Variants in KRTAP3-3 observed in about 807,000 individuals in gnomAD.
KRTAP3-3 encodes keratin-associated protein 3-3.
Under a neutral mutation model 5.7 loss-of-function variants are expected in KRTAP3-3, and 8 were observed. That is an observed-to-expected ratio of 1.40 (90% CI 0.82 to 2.52). The LOEUF (loss-of-function observed/expected upper bound fraction) is 2.52. Among genes scored for constraint, KRTAP3-3 ranks in the 30% most tolerant of loss-of-function variants. The pLI is 0.00. For synonymous variants in KRTAP3-3, 49 were observed against 47.0 expected, an observed-to-expected ratio of 1.04 and a Z score of -0.17; for missense variants, 98 against 121.5, an observed-to-expected ratio of 0.81 and a Z score of 0.91.
In KRTAP3-3 at chr17:40,993,879, T is replaced by G; in HGVS notation, c.219A>C (p.Pro73=). 2 of 1,614,074 alleles carry G rather than the reference T, an allele frequency of 1.2e-6. No homozygotes were observed. ...GGTTGAGGGTCTCCAGGCCTGGAGT[T>G]GGCTGGCAGGAGTTGAGCAGGAAGC... is the stretch of plus-strand genomic sequence containing the variant. The part of the protein sequence containing the change: ...PTCFLLNSCQ[P]TPGLETLNLT... Residue 73 remains proline, a synonymous_variant, in exon 1 of 1, where the codon CCA becomes CCC. Transcript: ENST00000391586.
In KRTAP3-3 at chr17:40,993,777, G is replaced by A. The variant is rs2143710665; in HGVS notation, c.*24C>T. On this transcript the variant is annotated 3_prime_UTR_variant, in exon 1 of 1. Transcript: ENST00000391586. ...TTCTATGTTGACTTTTTCAATCTCA[G>A]GCACTGAGCAAAGTAGCCATCCATT... 6.2e-7 allele frequency: 1 copy of A among 1,610,908 alleles called. No homozygotes were observed. The highest frequency in any genetic ancestry group is 8.5e-7 in the Non-Finnish European group (1 of 1,177,718).
chr17:40,993,726 G>T lies in KRTAP3-3; in HGVS notation c.*75C>A. 6.4e-7 allele frequency: 1 copy of T among 1,562,200 alleles called. No individual in the cohort carries two copies. Among genetic ancestry groups the T allele is most frequent in the Non-Finnish European group, 8.7e-7 (1 of 1,149,240 alleles). Reference sequence around the variant, plus strand: ...CTAAAGCAGAGTACATTAGTTGTAGGTACTGAGATAGGTGAATGCTAAAGC... The same window carrying T: ...CTAAAGCAGAGTACATTAGTTGTAGTTACTGAGATAGGTGAATGCTAAAGC... On this transcript the variant is annotated 3_prime_UTR_variant, in exon 1 of 1. Coordinates refer to ENST00000391586, the MANE Select transcript of KRTAP3-3 (RefSeq NM_033185.3).
chr17:40,993,682 A>C lies in KRTAP3-3; in HGVS notation c.*119T>G. 7.0e-7 allele frequency: 1 copy of C among 1,431,042 alleles called. No homozygotes were observed. Among genetic ancestry groups the C allele is most frequent in the Non-Finnish European group, 9.4e-7 (1 of 1,065,590 alleles). The allele number at this position is 1,431,042 out of a possible 1,614,324, so 88.6% of individuals were successfully genotyped here. On this transcript the variant is annotated 3_prime_UTR_variant, in exon 1 of 1. Coordinates refer to ENST00000391586, the MANE Select transcript of KRTAP3-3 (RefSeq NM_033185.3). ...TTTTGCAGGGGGTGATTGTGGTAGT[A>C]CCATCCTTGTTCCAATTTCTAAAGC...
rs1301319960 is a variant in KRTAP3-3 at position 40,993,523 on chromosome 17, TC to T, written c.*277del. The T allele has an allele frequency of 4.3e-6, 2 of 463,592 alleles. No individual in the cohort carries two copies. Among genetic ancestry groups the T allele is most frequent in the Non-Finnish European group, 7.5e-6 (2 of 265,990 alleles). 28.7% of individuals were successfully genotyped at this position (463,592 alleles called of 1,614,324 possible). A position where few individuals can be genotyped will look rare whatever the true frequency, so the allele number is the denominator to read the frequency against. On this transcript the variant is annotated 3_prime_UTR_variant, in exon 1 of 1. Transcript: ENST00000391586. ...TACCACCCAAGACTGAAAACAGAAT[TC>T]CCAAACCACCCACAGAAAGAGACAC...
At position 40,994,133 on chromosome 17, in the gene KRTAP3-3, GA is replaced by G. The variant is rs768711111; in HGVS notation, c.-37del. 1.9e-6 allele frequency: 3 copies of G among 1,608,832 alleles called. No homozygotes were observed. The South Asian group carries it at 3.3e-5, about 18-fold the overall frequency. On this transcript the variant is annotated 5_prime_UTR_variant, in exon 1 of 1. Coordinates refer to ENST00000391586, the MANE Select transcript of KRTAP3-3 (RefSeq NM_033185.3). The stretch of plus-strand genomic sequence containing the variant: ...GTCTGTGGTATTTATGGGTTTGATT[GA>G]AAAGAAGGATAAGGCTTCTGAGGTG...
rs1374558003 is a variant in KRTAP3-3, at chr17:40,994,069, C to T, written c.29G>A (p.Ser10Asn). 3.1e-6 allele frequency: 5 copies of T among 1,614,080 alleles called. No individual in the cohort carries two copies. Among genetic ancestry groups the T allele is most frequent in the Non-Finnish European group, 4.2e-6 (5 of 1,180,038 alleles). Residue 10 changes from serine to asparagine, a missense_variant, in exon 1 of 1, where the codon AGT becomes AAT. By Grantham distance (46) the Ser-to-Asn change is conservative. Transcript: ENST00000391586. ...GGTGGTGGCAGGCCCGGTGGGGACA[C>T]TGCAGCCTCGAGAGGCACAGCAATC... MDCCASRGC[S>N]VPTGPATTIC...
Position 40,993,597 on chromosome 17 carries a change from T to C in KRTAP3-3, c.*204A>G. ...GCTTCAGGAAGCTATAGGCATCCAC[T>C]GATTCAAACTGCAGTTGGTTATAGC... On this transcript the variant is annotated 3_prime_UTR_variant, in exon 1 of 1. Transcript: ENST00000391586. 2 of 705,122 alleles carry C rather than the reference T, an allele frequency of 2.8e-6. No individual in the cohort carries two copies. Among genetic ancestry groups the C allele is most frequent in the Non-Finnish European group, 2.3e-6 (1 of 442,850 alleles). 43.7% of individuals were successfully genotyped at this position (705,122 alleles called of 1,614,324 possible). A position where few individuals can be genotyped will look rare whatever the true frequency, so the allele number is the denominator to read the frequency against.
At position 40,993,824 on chromosome 17, in the gene KRTAP3-3, G is replaced by T. The variant is rs773430514; in HGVS notation, c.274C>A (p.Pro92Thr). The T allele has an allele frequency of 1.2e-6, 2 of 1,614,208 alleles. No homozygotes were observed. The highest frequency in any genetic ancestry group is 1.3e-5 in the African/African-American group (1 of 75,076). ...LTTFTQPCCE[P>T]CLPRGC ...CATTAGCAGCCTCTTGGGAGGCAGG[G>T]CTCACAGCAGGGCTGAGTGAAGGTG... Residue 92 changes from proline (P) to threonine (T), a missense_variant, in exon 1 of 1, where the codon CCC becomes ACC. Coordinates refer to ENST00000391586, the MANE Select transcript of KRTAP3-3 (RefSeq NM_033185.3).
In KRTAP3-3 at chr17:40,993,570, CAGCTTCAGGA is replaced by C; in HGVS notation, c.*221_*230del. 5.3e-6 allele frequency: 3 copies of C among 569,772 alleles called. No individual in the cohort carries two copies. Among genetic ancestry groups the C allele is most frequent in the Non-Finnish European group, 8.8e-6 (3 of 339,548 alleles). 35.3% of individuals were successfully genotyped at this position (569,772 alleles called of 1,614,324 possible). A position where few individuals can be genotyped will look rare whatever the true frequency, so the allele number is the denominator to read the frequency against. ...GACACTTTAATATGAAGGAATCGAA[CAGCTTCAGGA>C]AGCTATAGGCATCCACTGATTCAAA... is the stretch of plus-strand genomic sequence containing the variant. On this transcript the variant is annotated 3_prime_UTR_variant, in exon 1 of 1. Coordinates refer to ENST00000391586, the MANE Select transcript of KRTAP3-3 (RefSeq NM_033185.3).
Position 40,993,822 on chromosome 17 carries a change from G to A in KRTAP3-3, c.276C>T (p.Pro92=), listed in dbSNP as rs768654161. 1.2e-6 allele frequency: 2 copies of A among 1,614,164 alleles called. No homozygotes were observed. The highest frequency in any genetic ancestry group is 1.7e-6 in the Non-Finnish European group (2 of 1,179,970). The change falls in exon 1 of 1, where the codon CCC becomes CCT. Residue 92 remains proline (P), a synonymous_variant. Transcript: ENST00000391586. ...LTTFTQPCCE[P]CLPRGC is the part of the protein sequence containing the mutation. ...TCCATTAGCAGCCTCTTGGGAGGCA[G>A]GGCTCACAGCAGGGCTGAGTGAAGG...
Position 40,993,646 on chromosome 17 carries a change from G to T in KRTAP3-3, c.*155C>A, listed in dbSNP as rs1020391718. On this transcript the variant is annotated 3_prime_UTR_variant, in exon 1 of 1. Transcript: ENST00000391586. Reference sequence around the variant, plus strand: ...GCTGAATGGTCATTGAAAGTTTCTTGGTCTCTTTTTTTTTGCAGGGGGTGA... The same window carrying T: ...GCTGAATGGTCATTGAAAGTTTCTTTGTCTCTTTTTTTTTGCAGGGGGTGA... 2.3e-5 allele frequency: 27 copies of T among 1,182,360 alleles called. No homozygotes were observed. Among genetic ancestry groups the T allele is most frequent in the Non-Finnish European group, 2.6e-5 (22 of 861,540 alleles). 73.2% of individuals were successfully genotyped at this position (1,182,360 alleles called of 1,614,324 possible).
chr17:40,993,492 G>T lies in KRTAP3-3; in HGVS notation c.*309C>A. 1 of 380,864 alleles carries T rather than the reference G, an allele frequency of 2.6e-6. No homozygotes were observed. The highest frequency in any genetic ancestry group is 7.5e-5 in the South Asian group (1 of 13,288). The allele number at this position is 380,864 out of a possible 1,614,324, so 23.6% of individuals were successfully genotyped here. ...TCATGAAGAACTTCCTTAATTTTCAGAAAGATACCACCCAAGACTGAAAAC... is the reference window on the plus strand; with the variant it reads ...TCATGAAGAACTTCCTTAATTTTCATAAAGATACCACCCAAGACTGAAAAC... On this transcript the variant is annotated 3_prime_UTR_variant, in exon 1 of 1. Transcript: ENST00000391586.
In KRTAP3-3 at chr17:40,993,715, A is replaced by C; in HGVS notation, c.*86T>G. On this transcript the variant is annotated 3_prime_UTR_variant, in exon 1 of 1. Transcript: ENST00000391586. ...TGTTCCAATTTCTAAAGCAGAGTACATTAGTTGTAGGTACTGAGATAGGTG... is the reference window on the plus strand; with the variant it reads ...TGTTCCAATTTCTAAAGCAGAGTACCTTAGTTGTAGGTACTGAGATAGGTG... The C allele has an allele frequency of 2.0e-6, 3 of 1,535,710 alleles. No individual in the cohort carries two copies. Among genetic ancestry groups the C allele is most frequent in the Non-Finnish European group, 2.6e-6 (3 of 1,133,776 alleles).
chr17:40,993,623 T>C lies in KRTAP3-3; in HGVS notation c.*178A>G. On this transcript the variant is annotated 3_prime_UTR_variant, in exon 1 of 1. Coordinates refer to ENST00000391586, the MANE Select transcript of KRTAP3-3 (RefSeq NM_033185.3). Reference sequence around the variant, plus strand: ...GATTCAAACTGCAGTTGGTTATAGCTGAATGGTCATTGAAAGTTTCTTGGT... The same window carrying C: ...GATTCAAACTGCAGTTGGTTATAGCCGAATGGTCATTGAAAGTTTCTTGGT... 1.0e-6 allele frequency: 1 copy of C among 958,786 alleles called. No individual in the cohort carries two copies. The highest frequency in any genetic ancestry group is 1.5e-6 in the Non-Finnish European group (1 of 663,852). The allele number at this position is 958,786 out of a possible 1,614,324, so 59.4% of individuals were successfully genotyped here.
At position 40,994,055 on chromosome 17, in the gene KRTAP3-3, G is replaced by T. The variant is rs1195413269; in HGVS notation, c.43C>A (p.Pro15Thr). 1.9e-6 allele frequency: 3 copies of T among 1,614,106 alleles called. No individual in the cohort carries two copies. ...ASRGCSVPTG[P>T]ATTICSSDKS... Reference sequence around the variant, plus strand: ...TCAGAGGAGCAGATGGTGGTGGCAGGCCCGGTGGGGACACTGCAGCCTCGA... The same window carrying T: ...TCAGAGGAGCAGATGGTGGTGGCAGTCCCGGTGGGGACACTGCAGCCTCGA... Residue 15 changes from proline to threonine, a missense_variant, in exon 1 of 1, where the codon CCT (proline) becomes ACT (threonine). Pro to Thr is a conservative substitution (Grantham distance 38, BLOSUM62 -1). Transcript: ENST00000391586.
Position 40,993,919 on chromosome 17 carries a change from G to A in KRTAP3-3, c.179C>T (p.Pro60Leu). ...NCPPPCHIPQ[P>L]CVPTCFLLNS... ...GAGCAGGAAGCAGGTGGGCACGCAG[G>A]GCTGAGGAATGTGGCAGGGTGGGGG... Residue 60 changes from proline (P) to leucine (L), a missense_variant, in exon 1 of 1, where the codon CCC becomes CTC. Coordinates refer to ENST00000391586, the MANE Select transcript of KRTAP3-3 (RefSeq NM_033185.3). 5 of 1,614,086 alleles carry A rather than the reference G, an allele frequency of 3.1e-6. No individual in the cohort carries two copies. The highest frequency in any genetic ancestry group is 4.2e-6 in the Non-Finnish European group (5 of 1,179,998).
Position 40,993,656 on chromosome 17 carries a change from T to G in KRTAP3-3, c.*145A>C. 1 of 1,283,172 alleles carries G rather than the reference T, an allele frequency of 7.8e-7. No individual in the cohort carries two copies. The highest frequency in any genetic ancestry group is 1.1e-6 in the Non-Finnish European group (1 of 949,848). The allele number at this position is 1,283,172 out of a possible 1,614,324, so 79.5% of individuals were successfully genotyped here. On this transcript the variant is annotated 3_prime_UTR_variant, in exon 1 of 1. Coordinates refer to ENST00000391586, the MANE Select transcript of KRTAP3-3 (RefSeq NM_033185.3). Reference sequence around the variant, plus strand: ...CATTGAAAGTTTCTTGGTCTCTTTTTTTTTGCAGGGGGTGATTGTGGTAGT... The same window carrying G: ...CATTGAAAGTTTCTTGGTCTCTTTTGTTTTGCAGGGGGTGATTGTGGTAGT...
At position 40,994,156 on chromosome 17, in the gene KRTAP3-3, G is replaced by C; in HGVS notation, c.-59C>G. Reference sequence around the variant, plus strand: ...TTGAAAAGAAGGATAAGGCTTCTGAGGTGTGAATATCTCTCCTTTCTCTGG... The same window carrying C: ...TTGAAAAGAAGGATAAGGCTTCTGACGTGTGAATATCTCTCCTTTCTCTGG... On this transcript the variant is annotated 5_prime_UTR_variant, in exon 1 of 1. Coordinates refer to ENST00000391586, the MANE Select transcript of KRTAP3-3 (RefSeq NM_033185.3). 6.3e-7 allele frequency: 1 copy of C among 1,577,030 alleles called. No individual in the cohort carries two copies. The highest frequency in any genetic ancestry group is 8.7e-7 in the Non-Finnish European group (1 of 1,152,180).
rs1033258828 is a variant in KRTAP3-3 at position 40,993,626 on chromosome 17, A to T, written c.*175T>A. The T allele has an allele frequency of 1.0e-6, 1 of 968,550 alleles. No homozygotes were observed. Among genetic ancestry groups the T allele is most frequent in the African/African-American group, 1.6e-5 (1 of 60,684 alleles). The allele number at this position is 968,550 out of a possible 1,614,324, so 60.0% of individuals were successfully genotyped here. A position where few individuals can be genotyped will look rare whatever the true frequency, so the allele number is the denominator to read the frequency against. ...TCAAACTGCAGTTGGTTATAGCTGA[A>T]TGGTCATTGAAAGTTTCTTGGTCTC... is the stretch of plus-strand genomic sequence containing the variant. On this transcript the variant is annotated 3_prime_UTR_variant, in exon 1 of 1. Coordinates refer to ENST00000391586, the MANE Select transcript of KRTAP3-3 (RefSeq NM_033185.3).
Sources: gnomAD v4.1 joint callset for allele counts on GRCh38, gnomAD v4.1.1 for gene constraint, MANE v1.5 for transcripts, NCBI Gene and HGNC (gene_info 2026-07-23, HGNC 2026-07-21) for gene names.